LRRC4C: variants seen among roughly 807,000 people sequenced by gnomAD.
The protein encoded by LRRC4C is leucine-rich repeat-containing protein 4C.
Under a neutral mutation model 33.6 loss-of-function variants are expected in LRRC4C, and 5 were observed. The ratio of observed to expected loss-of-function variants is 0.15; its 90% CI spans 0.08 to 0.31. The LOEUF is 0.31. Among genes scored for constraint, LRRC4C ranks in the 10% least tolerant of loss-of-function variants. The probability of loss-of-function intolerance (pLI) is 1.00; values close to 1 mark genes in which losing one functional copy is unlikely to be tolerated. For synonymous variants in LRRC4C, 329 were observed against 302.0 expected, an observed-to-expected ratio of 1.09 and a Z score of -0.93; for missense variants, 560 against 796.7, an observed-to-expected ratio of 0.70 and a Z score of 3.58.
chr11:40,830,613 G>T (rs556816981), intron 2 of LRRC4C, among the ~76,000 whole-genome samples: 64 of 152,162 alleles, frequency 4.2e-4, no homozygotes, highest in African/African-American at 1.5e-3. Flanking sequence ...TAAAGGAGAG[G>T]CATGTTAGCT....
intron 5 of LRRC4C, among the ~76,000 whole-genome samples, chr11:40,236,188 T>A (rs1865542375): frequency 6.6e-6 from 1 of 151,972 alleles, no homozygotes. Context: ...CCTCTAATAT[T>A]TAAGAAAACA....
chr11:40,249,753 C>G (rs780481886), intron 4 of LRRC4C, among the ~76,000 whole-genome samples: 3 of 151,960 alleles, frequency 2.0e-5, no homozygotes, highest in Non-Finnish European at 2.9e-5. Context: ...GGCCAGGACT[C>G]TCTCGCTTTT....
At chr11:41,152,535 G>GT (rs1269849741) in intron 1 of LRRC4C, among the ~76,000 whole-genome samples, 3 of 152,128 alleles carry the variant, frequency 2.0e-5, no homozygotes, top group African/African-American at 7.2e-5. Context: ...AGAAAGTGCA[G>GT]TTTTATGAAC....
At chr11:41,366,222 ATAGATAGATAGATAGATAGATAGG>A (rs1565615778) in intron 1 of LRRC4C, among the ~76,000 whole-genome samples, 1,729 of 150,280 alleles carry the variant, frequency 0.012, 27 homozygotes, top group African/African-American at 0.041. Flanking sequence ...AGATAGATAG[ATAGATAGATAGATAGATAGATAGG>A]TAGATATCCT....
intron 1 of LRRC4C, among the ~76,000 whole-genome samples, chr11:41,116,858 A>G (rs1283419732): frequency 1.3e-5 from 2 of 152,192 alleles, no homozygotes; most frequent in African/African-American, 4.8e-5. Flanking sequence ...TAATTGCAAC[A>G]GAAATATTTA....
At chr11:41,022,732 A>T (rs1856070084) in intron 1 of LRRC4C, among the ~76,000 whole-genome samples, 1 of 152,044 alleles carries the variant, frequency 6.6e-6, no homozygotes, top group African/African-American at 2.4e-5. Flanking sequence ...GAATACTTTA[A>T]GAAAGCAACT....
In LRRC4C at chr11:40,317,186, T is replaced by G. The variant is rs891423010; in HGVS notation, c.-176+2442A>C. The stretch of plus-strand genomic sequence containing the variant: ...AAAGGTCCTAAATTAGGGTATTTTG[T>G]TTTTTTTTTTAGGAGCAGGACATCC... On this transcript the variant is annotated intron_variant, in intron 4 of 6. Transcript: ENST00000528697. Among the ~76,000 whole-genome samples, 4 of 95,522 alleles carry G rather than the reference T, an allele frequency of 4.2e-5. 1 individual carries two copies. The highest frequency in any genetic ancestry group is 1.5e-4 in the Admixed American group (1 of 6,586). The allele number at this position is 95,522 out of a possible 152,430, so 62.7% of individuals were successfully genotyped here.
At chr11:41,451,965 T>G (rs1170177185) in intron 1 of LRRC4C, among the ~76,000 whole-genome samples, 1 of 152,098 alleles carries the variant, frequency 6.6e-6, no homozygotes, top group East Asian at 1.9e-4. Flanking sequence ...AGCAAACCCA[T>G]CCACTGTCTG....
At chr11:40,835,867 A>G (rs1346782691) in intron 2 of LRRC4C, among the ~76,000 whole-genome samples, 2 of 152,170 alleles carry the variant, frequency 1.3e-5, no homozygotes, top group Non-Finnish European at 2.9e-5. Context: ...TACAATGTCA[A>G]TTAAATTTGC....
intron 2 of LRRC4C, among the ~76,000 whole-genome samples, chr11:40,780,961 G>T (rs570324992): frequency 6.6e-6 from 1 of 152,190 alleles, no homozygotes; most frequent in East Asian, 1.9e-4. Flanking sequence ...ACAGTCATGG[G>T]TCACTTACTG....
intron 1 of LRRC4C, among the ~76,000 whole-genome samples, chr11:41,244,417 G>A (rs1002573036): frequency 1.1e-4 from 16 of 152,232 alleles, no homozygotes; most frequent in East Asian, 7.7e-4. Flanking sequence ...TAAAAATTTA[G>A]CAAGTGACAA....
At chr11:40,320,046 A>C (rs1945765136) in intron 3 of LRRC4C, among the ~76,000 whole-genome samples, 1 of 152,084 alleles carries the variant, frequency 6.6e-6, no homozygotes, top group Non-Finnish European at 1.5e-5. Flanking sequence ...TTTTATTGAA[A>C]TGTGTCATAT....
intron 3 of LRRC4C, among the ~76,000 whole-genome samples, chr11:40,594,945 A>G (rs932843468): frequency 6.6e-6 from 1 of 152,162 alleles, no homozygotes; most frequent in Non-Finnish European, 1.5e-5. Flanking sequence ...ACACAGATAT[A>G]ACACAAAAAG....
intron 2 of LRRC4C, among the ~76,000 whole-genome samples, chr11:40,707,821 C>T (rs1441465284): frequency 1.3e-5 from 2 of 152,186 alleles, no homozygotes; most frequent in Non-Finnish European, 2.9e-5. Flanking sequence ...TATAATTCGG[C>T]TGTGAATCCA....
At chr11:40,819,107 C>A (rs1951819902) in intron 2 of LRRC4C, among the ~76,000 whole-genome samples, 1 of 151,944 alleles carries the variant, frequency 6.6e-6, no homozygotes, top group South Asian at 2.1e-4. Context: ...CCTGTTTTTT[C>A]TTTACATTAG....
At chr11:40,539,896 G>A (rs1255408573) in intron 3 of LRRC4C, among the ~76,000 whole-genome samples, 1 of 152,100 alleles carries the variant, frequency 6.6e-6, no homozygotes, top group African/African-American at 2.4e-5. Flanking sequence ...AAAAGAGATA[G>A]CAAATGTGTA....
At chr11:40,158,856 T>G (rs906488646) in intron 5 of LRRC4C, among the ~76,000 whole-genome samples, 2 of 152,082 alleles carry the variant, frequency 1.3e-5, no homozygotes, top group African/African-American at 4.8e-5. Flanking sequence ...TCATATCAAA[T>G]CAATTGTGGA....
At chr11:40,719,491 G>A (rs1779014777) in intron 2 of LRRC4C, among the ~76,000 whole-genome samples, 1 of 152,156 alleles carries the variant, frequency 6.6e-6, no homozygotes, top group Admixed American at 6.6e-5. Flanking sequence ...TGTGAGGTCT[G>A]TAATATCCCA....
chr11:41,133,170 A>C (rs1282235057), intron 1 of LRRC4C, among the ~76,000 whole-genome samples: 1 of 152,132 alleles, frequency 6.6e-6, no homozygotes, highest in African/African-American at 2.4e-5. Flanking sequence ...CTTAGATGTG[A>C]CCTGGGCCAA....
Sources: gnomAD v4.1 joint callset for allele counts (sites outside exome capture counted in the v4.1 genomes callset) on GRCh38, gnomAD v4.1.1 for gene constraint, MANE v1.5 for transcripts, NCBI Gene and HGNC (gene_info 2026-07-23, HGNC 2026-07-21) for gene names.